PSD3: variants seen among roughly 807,000 people sequenced by gnomAD.
The protein encoded by PSD3 is PH and SEC7 domain-containing protein 3.
Under a neutral mutation model 105.5 loss-of-function variants are expected in PSD3, and 49 were observed. The ratio of observed to expected loss-of-function variants is 0.46; its 90% CI spans 0.37 to 0.59. The LOEUF is 0.59. PSD3 is among the 20% of genes least tolerant of loss of function. The pLI is 0.00. For missense variants in PSD3, 1,561 were observed against 1,263.8 expected (o/e 1.24, Z -3.57); for synonymous variants, 557 against 457.8 (o/e 1.22, Z -2.77).
intron 9 of PSD3, among the ~76,000 whole-genome samples, chr8:18,666,374 A>T (rs1019259358): frequency 6.6e-6 from 1 of 152,246 alleles, no homozygotes; most frequent in East Asian, 1.9e-4. Flanking sequence ...TTCTAAATGC[A>T]TACGGACACC....
At chr8:18,756,563 T>A (rs1806057142) in intron 9 of PSD3, among the ~76,000 whole-genome samples, 1 of 152,112 alleles carries the variant, frequency 6.6e-6, no homozygotes, top group Non-Finnish European at 1.5e-5. Flanking sequence ...GTTAAGAAAA[T>A]GCCCAGCACT....
intron 8 of PSD3, among the ~76,000 whole-genome samples, chr8:18,781,293 C>T (rs992147093): frequency 6.6e-6 from 1 of 152,202 alleles, no homozygotes; most frequent in Admixed American, 6.5e-5. Context: ...AAGCAGTTAT[C>T]CTACACAGCC....
chr8:18,901,651 A>G (rs1486464039), intron 2 of PSD3, among the ~76,000 whole-genome samples: 2 of 152,090 alleles, frequency 1.3e-5, no homozygotes, highest in Non-Finnish European at 2.9e-5. Flanking sequence ...TTTTCATGAT[A>G]GTGATTTTCA....
At chr8:18,680,392 T>C (rs998878631) in intron 9 of PSD3, among the ~76,000 whole-genome samples, 1 of 152,196 alleles carries the variant, frequency 6.6e-6, no homozygotes, top group African/African-American at 2.4e-5. Context: ...AAAATGTTAC[T>C]TCTGTCAAAG....
chr8:18,809,040 G>A (rs1054077492), intron 4 of PSD3: 2 of 887,134 alleles, frequency 2.3e-6, no homozygotes, highest in African/African-American at 1.7e-5. Flanking sequence ...AAGAAACAGT[G>A]AGCCCAGCCT....
chr8:18,804,606 T>C lies in PSD3; in HGVS notation c.1830-4A>G, dbSNP rs201934942. The C allele has an allele frequency of 9.3e-4, 1,493 of 1,612,588 alleles. No homozygotes were observed. Among genetic ancestry groups the C allele is most frequent in the Non-Finnish European group, 1.2e-3 (1,395 of 1,178,808 alleles). ...AACTAGTTTGCTAAATTCGTTGCTA[T>C]AAGAAAACAGAATAGACTTGGTTAT... On this transcript the variant is annotated splice_region_variant and splice_polypyrimidine_tract_variant and intron_variant, in intron 5 of 15. Coordinates refer to ENST00000327040, the MANE Select transcript of PSD3 (RefSeq NM_015310.4).
chr8:18,829,555 T>A (rs1813512463), intron 4 of PSD3, among the ~76,000 whole-genome samples: 1 of 152,156 alleles, frequency 6.6e-6, no homozygotes, highest in South Asian at 2.1e-4. Context: ...CCCACTAAAT[T>A]TTTCCCTTGT....
In PSD3 at chr8:18,572,570, A is replaced by G. The variant is rs749186681; in HGVS notation, c.2742T>C (p.Phe914=). 1.9e-6 allele frequency: 3 copies of G among 1,614,094 alleles called. No homozygotes were observed. Among genetic ancestry groups the G allele is most frequent in the Non-Finnish European group, 2.5e-6 (3 of 1,179,938 alleles). ...TAGTGGCAGGCAGAAGTGGGCGGCT[A>G]AACTTCTTCTGAGAGCCGATTGCTG... The part of the protein sequence containing the change: ...FPAAIGSQKK[F]SRPLLPATTT... The change falls in exon 14 of 16, where the codon TTT becomes TTC. Residue 914 remains phenylalanine, a synonymous_variant. Coordinates refer to ENST00000327040, the MANE Select transcript of PSD3 (RefSeq NM_015310.4).
intron 4 of PSD3, among the ~76,000 whole-genome samples, chr8:18,863,148 C>T (rs1333710513): frequency 1.3e-5 from 2 of 152,186 alleles, no homozygotes; most frequent in South Asian, 2.1e-4. Context: ...TGCCATGTCA[C>T]GGTATTTGCT....
chr8:18,592,780 G>C (rs975303790), intron 12 of PSD3, among the ~76,000 whole-genome samples: 1 of 152,046 alleles, frequency 6.6e-6, no homozygotes, highest in East Asian at 1.9e-4. Context: ...AAGATATATA[G>C]ACCAATGGAA....
rs141236872 is a variant in PSD3 at position 19,054,402 on chromosome 8, G to A, written c.324+29804C>T. 6.2e-3 allele frequency among the ~76,000 whole-genome samples: 942 copies of A among 152,190 alleles called. 6 individuals are homozygous for A. Among genetic ancestry groups the A allele is most frequent in the Non-Finnish European group, 0.01 (687 of 68,006 alleles). On this transcript the variant is annotated intron_variant, in intron 1 of 1. Transcript: ENST00000521475. ...GTTTATGATCATCTTTTTGGTGCCT[G>A]GAAGAACTTGTAGCATATGTCAGAG...
At chr8:18,628,524 A>AT (rs1306326767) in intron 11 of PSD3, among the ~76,000 whole-genome samples, 4 of 151,908 alleles carry the variant, frequency 2.6e-5, no homozygotes, top group African/African-American at 9.7e-5. Context: ...AAATAAAGAT[A>AT]TTTTCACACT....
chr8:18,905,885 TA>T (rs143269975), intron 2 of PSD3, among the ~76,000 whole-genome samples: 2,191 of 152,270 alleles, frequency 0.014, 57 homozygotes, highest in East Asian at 0.095. Flanking sequence ...CTCTTTACAG[TA>T]AATATATCAT....
intron 12 of PSD3, among the ~76,000 whole-genome samples, chr8:18,588,323 A>T (rs1000076003): frequency 3.9e-5 from 6 of 152,194 alleles, no homozygotes; most frequent in Admixed American, 6.5e-5. Context: ...AGAACTATGA[A>T]GTTTAAGCTT....
chr8:18,898,624 T>G (rs923305495), intron 2 of PSD3, among the ~76,000 whole-genome samples: 1 of 152,334 alleles, frequency 6.6e-6, no homozygotes, highest in African/African-American at 2.4e-5. Context: ...TTACTGATAA[T>G]ATAAATAGGG....
chr8:18,842,829 G>T, intron 4 of PSD3, among the ~76,000 whole-genome samples: 1 of 152,170 alleles, frequency 6.6e-6, no homozygotes, highest in African/African-American at 2.4e-5. Context: ...CATCTATCAG[G>T]GATGAATGCA....
At chr8:18,757,998 G>A (rs1244418804) in intron 9 of PSD3, among the ~76,000 whole-genome samples, 1 of 151,638 alleles carries the variant, frequency 6.6e-6, no homozygotes, top group East Asian at 1.9e-4. Context: ...TTTTTAGAGT[G>A]GACTTGTCCA....
intron 2 of PSD3, among the ~76,000 whole-genome samples, chr8:18,930,182 G>A (rs755532193): frequency 1.3e-5 from 2 of 152,148 alleles, no homozygotes; most frequent in Admixed American, 6.5e-5. Context: ...TTCCAGAAAC[G>A]TGAGTGGGTA....
chr8:18,583,791 C>A (rs188338027), intron 12 of PSD3, among the ~76,000 whole-genome samples: 42 of 152,202 alleles, frequency 2.8e-4, no homozygotes, highest in Non-Finnish European at 5.0e-4. Context: ...CTGAATTGGC[C>A]TTTTGTTTGT....
Sources: allele counts gnomAD v4.1 joint callset (sites outside exome capture counted in the v4.1 genomes callset), GRCh38; gene constraint gnomAD v4.1.1; transcripts MANE v1.5; gene names NCBI Gene and HGNC (gene_info 2026-07-23, HGNC 2026-07-21).